KCNMB2: variants seen among roughly 807,000 people sequenced by gnomAD.
The protein encoded by KCNMB2 is potassium calcium-activated channel subfamily M regulatory beta subunit 2, also known as calcium-activated potassium channel subunit beta-2.
Under a neutral mutation model 24.5 loss-of-function variants are expected in KCNMB2, and 9 were observed. The observed-to-expected ratio is 0.37, with a 90% CI of 0.22 to 0.64. The LOEUF is 0.64. KCNMB2 is among the 30% of genes least tolerant of loss of function. The pLI is 0.63. For missense variants in KCNMB2, 226 were observed against 284.3 expected (o/e 0.79, Z 1.47); for synonymous variants, 109 against 104.4 (o/e 1.04, Z -0.27).
intron 1 of KCNMB2, among the ~76,000 whole-genome samples, chr3:178,570,819 A>T (rs1188959719): frequency 1.3e-5 from 2 of 152,346 alleles, no homozygotes; most frequent in South Asian, 2.1e-4. Context: ...AACTCTGGTA[A>T]GAAGAAAAGG....
At chr3:178,751,797 A>G (rs576038657) in intron 1 of KCNMB2, among the ~76,000 whole-genome samples, 3 of 152,336 alleles carry the variant, frequency 2.0e-5, no homozygotes, top group African/African-American at 7.2e-5. Flanking sequence ...TCAGCAACAT[A>G]AAGTGTTGTG....
At chr3:178,833,362 A>T (rs188646417) in intron 4 of KCNMB2, among the ~76,000 whole-genome samples, 1 of 152,280 alleles carries the variant, frequency 6.6e-6, no homozygotes, top group South Asian at 2.1e-4. Context: ...CAGGGAAAAA[A>T]GGCACCAAAC....
At chr3:178,752,327 C>T (rs1723878189) in intron 1 of KCNMB2, among the ~76,000 whole-genome samples, 1 of 152,070 alleles carries the variant, frequency 6.6e-6, no homozygotes, top group African/African-American at 2.4e-5. Flanking sequence ...AACATTTTAA[C>T]AGGTGGAATT....
At chr3:178,611,201 T>C (rs1577047270) in intron 1 of KCNMB2, among the ~76,000 whole-genome samples, 1 of 152,184 alleles carries the variant, frequency 6.6e-6, no homozygotes, top group Non-Finnish European at 1.5e-5. Context: ...TATTGGTAGG[T>C]TGTATGTATC....
chr3:178,752,918 G>A (rs1723899313), intron 1 of KCNMB2, among the ~76,000 whole-genome samples: 1 of 152,158 alleles, frequency 6.6e-6, no homozygotes, highest in Non-Finnish European at 1.5e-5. Context: ...AACTAACACT[G>A]TGGGTTGGGG....
At chr3:178,597,633 A>C (rs1717923954) in intron 1 of KCNMB2, among the ~76,000 whole-genome samples, 1 of 152,184 alleles carries the variant, frequency 6.6e-6, no homozygotes, top group Non-Finnish European at 1.5e-5. Context: ...CAACAAACAC[A>C]TCATTCACCA....
At chr3:178,728,119 C>A (rs1382194377) in intron 1 of KCNMB2, among the ~76,000 whole-genome samples, 2 of 152,186 alleles carry the variant, frequency 1.3e-5, no homozygotes, top group Non-Finnish European at 2.9e-5. Context: ...ATCACTCACA[C>A]CAGCCTCTGG....
At position 178,760,142 on chromosome 3, in the gene KCNMB2, CCAAGAGGATATATCTATA is replaced by C. The variant is rs1711745226; in HGVS notation, c.-67-47200_-67-47183del. 1.5e-4 allele frequency among the ~76,000 whole-genome samples: 2 copies of C among 13,340 alleles called. 1 individual carries two copies. Among genetic ancestry groups the C allele is most frequent in the Non-Finnish European group, 2.7e-4 (2 of 7,506 alleles). 8.8% of individuals were successfully genotyped at this position (13,340 alleles called of 152,430 possible). A position where few individuals can be genotyped will look rare whatever the true frequency, so the allele number is the denominator to read the frequency against. On this transcript the variant is annotated intron_variant, in intron 1 of 4. Coordinates refer to ENST00000452583, the MANE Select transcript of KCNMB2 (RefSeq NM_181361.3). ...GATATATCTATATATATATATATAT[CCAAGAGGATATATCTATA>C]TATATATATATATCCAAGAGGATAT... is the stretch of plus-strand genomic sequence containing the variant.
At chr3:178,814,661 A>G (rs758317674) in intron 2 of KCNMB2, among the ~76,000 whole-genome samples, 3 of 152,126 alleles carry the variant, frequency 2.0e-5, no homozygotes, top group Non-Finnish European at 4.4e-5. Context: ...TGGCTTTTTA[A>G]TAATAGCCAT....
chr3:178,775,635 C>A (rs1712549533), intron 1 of KCNMB2, among the ~76,000 whole-genome samples: 1 of 152,184 alleles, frequency 6.6e-6, no homozygotes, highest in East Asian at 1.9e-4. Flanking sequence ...AGCTACCCTT[C>A]TAGAGTATTT....
chr3:178,638,274 T>C (rs1275417902), intron 1 of KCNMB2, among the ~76,000 whole-genome samples: 1 of 152,166 alleles, frequency 6.6e-6, no homozygotes, highest in Non-Finnish European at 1.5e-5. Flanking sequence ...CCAGACTGTT[T>C]TTTGAGATCC....
At chr3:178,645,301 C>A (rs185453866) in intron 1 of KCNMB2, among the ~76,000 whole-genome samples, 1 of 152,032 alleles carries the variant, frequency 6.6e-6, no homozygotes, top group African/African-American at 2.4e-5. Flanking sequence ...CTGCCCGCCT[C>A]GGCCTCCCAA....
intron 1 of KCNMB2, among the ~76,000 whole-genome samples, chr3:178,549,304 A>C (rs977061587): frequency 1.3e-3 from 184 of 139,618 alleles, no homozygotes; most frequent in African/African-American, 3.6e-3. Context: ...TTTTTCTTTT[A>C]TTTTCTTTTT....
At chr3:178,813,762 A>AG (rs2108457593) in intron 2 of KCNMB2, among the ~76,000 whole-genome samples, 1 of 152,186 alleles carries the variant, frequency 6.6e-6, no homozygotes, top group East Asian at 1.9e-4. Context: ...AATTCAGCCA[A>AG]ACTAATTAAG....
At chr3:178,646,423 A>C (rs1304188950) in intron 1 of KCNMB2, among the ~76,000 whole-genome samples, 1 of 152,218 alleles carries the variant, frequency 6.6e-6, no homozygotes, top group Non-Finnish European at 1.5e-5. Context: ...CAAACTTAGT[A>C]TAATTTAGCT....
intron 1 of KCNMB2, among the ~76,000 whole-genome samples, chr3:178,640,343 C>T (rs1364502492): frequency 6.6e-6 from 1 of 152,110 alleles, no homozygotes; most frequent in Non-Finnish European, 1.5e-5. Context: ...AAAGGGGAAG[C>T]AAGCATGTGT....
At chr3:178,719,602 G>A (rs1722729234) in intron 1 of KCNMB2, among the ~76,000 whole-genome samples, 2 of 152,016 alleles carry the variant, frequency 1.3e-5, no homozygotes, top group Non-Finnish European at 2.9e-5. Flanking sequence ...ATTTTCAGGT[G>A]GAATAAACTC....
chr3:178,742,935 C>T (rs182031539), intron 1 of KCNMB2, among the ~76,000 whole-genome samples: 39 of 152,218 alleles, frequency 2.6e-4, no homozygotes, highest in African/African-American at 9.4e-4. Flanking sequence ...CAGGCTGTCT[C>T]AGAGGCCTGT....
intron 1 of KCNMB2, among the ~76,000 whole-genome samples, chr3:178,637,869 T>G (rs937969855): frequency 1.6e-4 from 24 of 152,300 alleles, no homozygotes; most frequent in African/African-American, 5.8e-4. Flanking sequence ...AAATTCAAAC[T>G]TATTAAGTCC....
Sources: allele counts gnomAD v4.1 joint callset (sites outside exome capture counted in the v4.1 genomes callset), GRCh38; gene constraint gnomAD v4.1.1; transcripts MANE v1.5; gene names NCBI Gene and HGNC (gene_info 2026-07-23, HGNC 2026-07-21).